Variants in WDR1 observed in about 807,000 individuals in gnomAD.
WDR1 encodes WD repeat domain 1.
WDR1 carries 21 observed loss-of-function variants against 71.9 expected under a neutral mutation model. That is an observed-to-expected ratio of 0.29 (90% CI 0.21 to 0.42). The LOEUF (loss-of-function observed/expected upper bound fraction) is 0.42, where lower values mean the gene tolerates loss of function less well. WDR1 is among the 10% of genes least tolerant of loss of function. The probability of loss-of-function intolerance (pLI) is 1.00; values close to 1 mark genes in which losing one functional copy is unlikely to be tolerated. For synonymous variants in WDR1, 424 were observed against 347.4 expected (o/e 1.22, Z -2.45); for missense variants, 696 against 824.5 (o/e 0.84, Z 1.91).
intron 2 of WDR1, among the ~76,000 whole-genome samples, chr4:10,112,532 C>G (rs955555733): frequency 3.3e-5 from 5 of 152,186 alleles, no homozygotes; most frequent in Non-Finnish European, 5.9e-5. Flanking sequence ...AAGAAACACC[C>G]TTTTTCTACA....
At chr4:10,116,561 T>TC in intron 1 of WDR1, 90 bp downstream of exon 1, 2 of 1,013,918 alleles carry the variant, frequency 2.0e-6, no homozygotes, top group Non-Finnish European at 2.4e-6. Flanking sequence ...CGCCGAGGAC[T>TC]CCCCCGCCAC....
At chr4:10,107,445 C>T (rs776700078) in intron 2 of WDR1, among the ~76,000 whole-genome samples, 5 of 152,232 alleles carry the variant, frequency 3.3e-5, no homozygotes, top group African/African-American at 7.2e-5. Flanking sequence ...GATTACCTCA[C>T]GGTCCGGCTT....
At chr4:10,115,040 G>C (rs1040109152) in intron 2 of WDR1, among the ~76,000 whole-genome samples, 1 of 152,208 alleles carries the variant, frequency 6.6e-6, no homozygotes, top group Non-Finnish European at 1.5e-5. Context: ...AAGTGTGTCC[G>C]ATCAACAGTC....
chr4:10,077,793 C>G lies in WDR1; in HGVS notation c.1529G>C (p.Ser510Thr). Residue 510 changes from serine to threonine, a missense_variant, in exon 13 of 15, where the codon AGC (serine) becomes ACC (threonine). By Grantham distance (58) the Ser-to-Thr change is moderately conservative. Transcript: ENST00000499869. ...AACGCTGAACACTGTGACCACCTTGCTGGCGTCGCACACCGCGAGGAAGGC... is the reference window on the plus strand; with the variant it reads ...AACGCTGAACACTGTGACCACCTTGGTGGCGTCGCACACCGCGAGGAAGGC... Reference protein sequence around the residue: ...DGAFLAVCDASKVVTVFSVAD... With the variant: ...DGAFLAVCDATKVVTVFSVAD... The G allele has an allele frequency of 1.2e-6, 2 of 1,602,990 alleles. No individual in the cohort carries two copies. The highest frequency in any genetic ancestry group is 4.5e-5 in the East Asian group (2 of 44,272).
rs1413094085 is a variant in WDR1 at position 10,099,078 on chromosome 4, C to T, written c.291G>A (p.Glu97=). 1 of 1,612,360 alleles carries T rather than the reference C, an allele frequency of 6.2e-7. No homozygotes were observed. The highest frequency in any genetic ancestry group is 1.1e-5 in the South Asian group (1 of 91,056). ...TTQKEHLLKY[E]YQPFAGKIKD... ...TGATCTTCCCAGCGAAAGGCTGGTA[C>T]TCATACTTCAACAGGTGCTCCTTCT... The change falls in exon 4 of 15, where the codon GAG becomes GAA. Residue 97 remains glutamate (E), a synonymous_variant. Coordinates refer to ENST00000499869, the MANE Select transcript of WDR1 (RefSeq NM_017491.5).
chr4:10,083,012 G>A lies in WDR1; in HGVS notation c.1196+10C>T. ...TCATCCGGAACCCCCGCAGACCCGA[G>A]TGCTCTCACCTGTAGTCCCGCAGCA... On this transcript the variant is annotated intron_variant, in intron 10 of 14. Coordinates refer to ENST00000499869, the MANE Select transcript of WDR1 (RefSeq NM_017491.5). 1.9e-6 allele frequency: 3 copies of A among 1,603,916 alleles called. No individual in the cohort carries two copies. Among genetic ancestry groups the A allele is most frequent in the Non-Finnish European group, 2.6e-6 (3 of 1,172,670 alleles).
At chr4:10,089,417 T>A (rs1711821319) in intron 5 of WDR1, among the ~76,000 whole-genome samples, 1 of 152,176 alleles carries the variant, frequency 6.6e-6, no homozygotes, top group Admixed American at 6.5e-5. Context: ...ATAATTAACT[T>A]TTAAACAAAG....
intron 8 of WDR1, among the ~76,000 whole-genome samples, chr4:10,085,924 G>A (rs541504885): frequency 2.0e-5 from 3 of 152,348 alleles, no homozygotes; most frequent in African/African-American, 7.2e-5. Flanking sequence ...GGTTTTGGTG[G>A]AAGGGTGGGA....
intron 2 of WDR1, among the ~76,000 whole-genome samples, chr4:10,112,454 G>A (rs1713444375): frequency 6.6e-6 from 1 of 152,160 alleles, no homozygotes; most frequent in South Asian, 2.1e-4. Flanking sequence ...CACCATTATA[G>A]TCTTTCACTC....
chr4:10,075,610 G>A (rs1764770446), intron 14 of WDR1, 126 bp from the exon 15 acceptor site: 12 of 853,708 alleles, frequency 1.4e-5, no homozygotes, highest in Admixed American at 4.2e-5. Context: ...GCCACGAATC[G>A]TTGTAACTCA....
intron 2 of WDR1, among the ~76,000 whole-genome samples, chr4:10,104,636 T>C (rs1020769140): frequency 6.6e-6 from 1 of 152,174 alleles, no homozygotes; most frequent in African/African-American, 2.4e-5. Flanking sequence ...CAACATGTAA[T>C]GTGCTAAAAG....
At chr4:10,101,525 A>T (rs977547803) in intron 3 of WDR1, among the ~76,000 whole-genome samples, 1 of 152,266 alleles carries the variant, frequency 6.6e-6, no homozygotes, top group East Asian at 1.9e-4. Flanking sequence ...ATCTCGCCCA[A>T]GAACACTTGG....
In WDR1 at chr4:10,085,797, ACCTGCTGCT is replaced by A. The variant is rs780453007; in HGVS notation, c.952-1276_952-1268del. On this transcript the variant is annotated intron_variant, in intron 8 of 14. Transcript: ENST00000499869. ...GTTCTAACACGCAGCCTGGGCTGAT[ACCTGCTGCT>A]CCATCCCACTGCAGCCCAGATCAGC... 6.3e-4 allele frequency among the ~76,000 whole-genome samples: 96 copies of A among 152,308 alleles called. 1 individual carries two copies. Among genetic ancestry groups the A allele is most frequent in the Admixed American group, 2.0e-3 (30 of 15,306 alleles).
At chr4:10,113,103 C>G (rs1416535656) in intron 2 of WDR1, among the ~76,000 whole-genome samples, 5 of 152,202 alleles carry the variant, frequency 3.3e-5, no homozygotes, top group African/African-American at 7.2e-5. Context: ...CGCCTGTATC[C>G]CAGGACTTTG....
At position 10,083,141 on chromosome 4, in the gene WDR1, G is replaced by C; in HGVS notation, c.1077C>G (p.Phe359Leu). 6.2e-7 allele frequency: 1 copy of C among 1,613,914 alleles called. No individual in the cohort carries two copies. The highest frequency in any genetic ancestry group is 8.5e-7 in the Non-Finnish European group (1 of 1,179,866). ...WDSETGENDS[F>L]AGKGHTNQVS... ...CCTGGTTCGTGTGGCCTTTCCCAGC[G>C]AAGGAGTCGTTCTCCCCCGTCTCTG... The change falls in exon 10 of 15, where the codon TTC becomes TTG. Residue 359 changes from phenylalanine to leucine, a missense_variant. Phe to Leu is a conservative substitution (Grantham distance 22). Transcript: ENST00000499869.
At chr4:10,116,052 G>A in intron 2 of WDR1, 61 bp downstream of exon 2, 2 of 1,579,588 alleles carry the variant, frequency 1.3e-6, no homozygotes, top group Non-Finnish European at 8.6e-7. Flanking sequence ...AGAGGAAGGC[G>A]AATTATCCCA....
At chr4:10,079,063 T>A in intron 11 of WDR1, 62 bp from the exon 12 acceptor site, 1 of 1,375,354 alleles carries the variant, frequency 7.3e-7, no homozygotes, top group Non-Finnish European at 1.0e-6. Context: ...CCCTCAGTGG[T>A]AGGAGGGGCG....
Position 10,089,194 on chromosome 4 carries a change from C to T in WDR1, c.559-453G>A, listed in dbSNP as rs186692729. ...CACAATCTCTGCTCACTACAAGCTCCGCCTCCCGGGTTCACGCCATTCTCC... is the reference window on the plus strand; with the variant it reads ...CACAATCTCTGCTCACTACAAGCTCTGCCTCCCGGGTTCACGCCATTCTCC... On this transcript the variant is annotated intron_variant, in intron 5 of 14. Transcript: ENST00000499869. 2.0e-4 allele frequency among the ~76,000 whole-genome samples: 30 copies of T among 152,308 alleles called. 1 individual carries two copies. Among genetic ancestry groups the T allele is most frequent in the Non-Finnish European group, 3.7e-4 (25 of 68,018 alleles).
intron 10 of WDR1, 129 bp from the exon 11 acceptor site, chr4:10,081,573 G>C: frequency 4.4e-6 from 3 of 674,566 alleles, no homozygotes; most frequent in Non-Finnish European, 5.0e-6. Flanking sequence ...ATACTGGAGA[G>C]ACTTGCTAAA....
Sources: gnomAD v4.1 joint callset for allele counts (sites outside exome capture counted in the v4.1 genomes callset) on GRCh38, gnomAD v4.1.1 for gene constraint, MANE v1.5 for transcripts, NCBI Gene and HGNC (gene_info 2026-07-23, HGNC 2026-07-21) for gene names.